The following CR1 variants were observed in gnomAD, a reference collection of about 807,000 sequenced individuals.
CR1 encodes the protein complement C3b/C4b receptor 1 (Knops blood group).
In CR1, 116 loss-of-function variants were observed where a neutral mutation model predicts 187.3. That is an observed-to-expected ratio of 0.62 (90% CI 0.53 to 0.72). CR1 has a LOEUF of 0.72. CR1 is among the 30% of genes least tolerant of loss of function. The pLI is 0.00. For synonymous variants in CR1, 576 were observed against 747.1 expected (o/e 0.77, Z 3.73); for missense variants, 1,731 against 2,110.7 (o/e 0.82, Z 3.52).
intron 27 of CR1, among the ~76,000 whole-genome samples, chr1:207,574,304 T>C (rs1246695153): frequency 6.6e-6 from 1 of 152,154 alleles, no homozygotes; most frequent in African/African-American, 2.4e-5. Context: ...TGTGAAAATA[T>C]AATACCCGCA....
intron 35 of CR1, among the ~76,000 whole-genome samples, chr1:207,597,570 TATA>T (rs1485977756): frequency 2.0e-5 from 3 of 152,212 alleles, no homozygotes; most frequent in Non-Finnish European, 2.9e-5. Flanking sequence ...TTAGGATGGT[TATA>T]ATATTTTTAA....
At chr1:207,502,844 G>A (rs1397166011) in intron 1 of CR1, among the ~76,000 whole-genome samples, 2 of 152,182 alleles carry the variant, frequency 1.3e-5, no homozygotes, top group African/African-American at 2.4e-5. Flanking sequence ...TCTGTCCGGG[G>A]TCCCGTGGGC....
intron 45 of CR1, among the ~76,000 whole-genome samples, chr1:207,625,512 C>T (rs1164665503): frequency 6.6e-6 from 1 of 152,234 alleles, no homozygotes; most frequent in Non-Finnish European, 1.5e-5. Context: ...TGTGTTCTTC[C>T]TGCCTGTCAT....
At chr1:207,508,658 T>C (rs1659522415) in intron 3 of CR1, among the ~76,000 whole-genome samples, 1 of 152,192 alleles carries the variant, frequency 6.6e-6, no homozygotes, top group African/African-American at 2.4e-5. Context: ...ATTGAGTAAA[T>C]AGTACCTGGG....
chr1:207,605,367 AC>A (rs1661719311), intron 35 of CR1, among the ~76,000 whole-genome samples: 2 of 151,852 alleles, frequency 1.3e-5, no homozygotes, highest in African/African-American at 4.8e-5. Flanking sequence ...ACACACACAC[AC>A]ACAAAACAAA....
At chr1:207,514,673 A>G (rs1032626939) in intron 4 of CR1, among the ~76,000 whole-genome samples, 10 of 152,160 alleles carry the variant, frequency 6.6e-5, no homozygotes, top group Admixed American at 6.6e-4. Flanking sequence ...GGCAACCAGC[A>G]CCGCCAATTA....
At chr1:207,604,128 A>G (rs534476721) in intron 35 of CR1, among the ~76,000 whole-genome samples, 3 of 152,310 alleles carry the variant, frequency 2.0e-5, no homozygotes, top group East Asian at 3.9e-4. Flanking sequence ...TTTGCATTTT[A>G]AAGTGTATTT....
intron 27 of CR1, among the ~76,000 whole-genome samples, chr1:207,572,902 T>C (rs998519781): frequency 6.6e-6 from 1 of 151,056 alleles, no homozygotes; most frequent in African/African-American, 2.4e-5. Flanking sequence ...GTCTGTGTCC[T>C]CATATGCTGT....
rs556292965 is a variant in CR1 at position 207,611,442 on chromosome 1, C to G, written c.6296-235C>G. Among the ~76,000 whole-genome samples, 4 of 152,298 alleles carry G rather than the reference C, an allele frequency of 2.6e-5. No individual in the cohort carries two copies. The East Asian group carries it at 7.7e-4, about 29-fold the overall frequency. ...ATATGCTGCCTTATAGTCTTTGGAA[C>G]ATGTTTCAGTAGAAAAAACACAGAC... On this transcript the variant is annotated intron_variant, in intron 37 of 46. Transcript: ENST00000367049.
chr1:207,518,983 T>A (rs1659887452), intron 4 of CR1, among the ~76,000 whole-genome samples: 1 of 152,230 alleles, frequency 6.6e-6, no homozygotes, highest in Admixed American at 6.5e-5. Context: ...AATTTTTACT[T>A]TATGTATTTT....
At chr1:207,564,308 G>A (rs918395963) in intron 23 of CR1, 74 bp downstream of exon 23, 2 of 1,589,822 alleles carry the variant, frequency 1.3e-6, no homozygotes, top group Non-Finnish European at 1.7e-6. Context: ...GGGAGATTTG[G>A]TGTGGCTTAA....
At chr1:207,519,564 G>C (rs1435671880) in intron 4 of CR1, among the ~76,000 whole-genome samples, 3 of 152,108 alleles carry the variant, frequency 2.0e-5, no homozygotes, top group African/African-American at 7.2e-5. Flanking sequence ...CGCAAGTACC[G>C]AAACTATTAA....
chr1:207,513,730 C>G (rs1659692936), intron 4 of CR1, among the ~76,000 whole-genome samples: 1 of 101,578 alleles, frequency 9.8e-6, no homozygotes, highest in African/African-American at 4.2e-5. Context: ...CTCCCTCCCT[C>G]CTTTCCTCCC....
chr1:207,515,211 GTATATACATA>G (rs1379505850), intron 4 of CR1, among the ~76,000 whole-genome samples: 222 of 129,274 alleles, frequency 1.7e-3, no homozygotes, highest in African/African-American at 8.5e-3. Flanking sequence ...ACATATATAG[GTATATACATA>G]TATATACGTA....
chr1:207,630,586 TC>T lies in CR1; in HGVS notation c.7426del (p.Arg2476GlufsTer21), dbSNP rs753189512. ...LHSQGGSSVH[P>X]RTLQTNEENS... The stretch of plus-strand genomic sequence containing the variant: ...ATTCTCAAGGAGGCAGCAGCGTTCA[TC>T]CCCGAACTCTGCAAACAAATGAAGA... On this transcript the variant is annotated frameshift_variant, in exon 46 of 47. Coordinates refer to ENST00000367049, the MANE Select transcript of CR1 (RefSeq NM_000651.6). LOFTEE classifies it high-confidence loss of function. 6.2e-7 allele frequency: 1 copy of T among 1,609,834 alleles called. No homozygotes were observed. The highest frequency in any genetic ancestry group is 8.5e-7 in the Non-Finnish European group (1 of 1,178,344).
chr1:207,639,255 G>T (rs1395700291), intron 46 of CR1, 142 bp from the exon 47 acceptor site: 1 of 673,802 alleles, frequency 1.5e-6, no homozygotes, highest in Non-Finnish European at 2.5e-6. Context: ...CCCTCCAAAT[G>T]TTCTAACTTG....
intron 27 of CR1, among the ~76,000 whole-genome samples, chr1:207,573,257 T>C (rs1746654): frequency 3.4e-4 from 52 of 152,250 alleles, no homozygotes; most frequent in Middle Eastern, 3.4e-3. Context: ...ATACGGGTTA[T>C]GTTTGTGTCA....
At chr1:207,511,070 C>T (rs1031174751) in intron 3 of CR1, among the ~76,000 whole-genome samples, 2 of 152,088 alleles carry the variant, frequency 1.3e-5, no homozygotes, top group Admixed American at 1.3e-4. Context: ...AATCCTCTTG[C>T]CTCAGCCCCC....
intron 4 of CR1, among the ~76,000 whole-genome samples, chr1:207,514,750 T>C (rs970929604): frequency 6.6e-6 from 1 of 152,110 alleles, no homozygotes; most frequent in African/African-American, 2.4e-5. Flanking sequence ...TTTTCTTTCT[T>C]GTAATGTCCT....
Sources: gnomAD v4.1 joint callset for allele counts (sites outside exome capture counted in the v4.1 genomes callset) on GRCh38, gnomAD v4.1.1 for gene constraint, MANE v1.5 for transcripts, NCBI Gene and HGNC (gene_info 2026-07-23, HGNC 2026-07-21) for gene names.